The following JPH2 variants were observed in gnomAD, a reference collection of about 807,000 sequenced individuals.
The protein encoded by JPH2 is junctophilin 2.
Under a neutral mutation model 55.9 loss-of-function variants are expected in JPH2, and 38 were observed. That is an observed-to-expected ratio of 0.68 (90% CI 0.52 to 0.89). The LOEUF (loss-of-function observed/expected upper bound fraction) is 0.89, where lower values mean the gene tolerates loss of function less well. JPH2 is among the 40% of genes least tolerant of loss of function. The probability of loss-of-function intolerance (pLI) is 0.00; values close to 1 mark genes in which losing one functional copy is unlikely to be tolerated. For missense variants in JPH2, 964 were observed against 1,037.6 expected, an observed-to-expected ratio of 0.93 and a Z score of 0.97; for synonymous variants, 480 against 472.4, an observed-to-expected ratio of 1.02 and a Z score of -0.21.
chr20:44,119,422 C>CT (rs1351165836), intron 2 of JPH2, among the ~76,000 whole-genome samples: 2 of 152,164 alleles, frequency 1.3e-5, no homozygotes, highest in Non-Finnish European at 1.5e-5. Flanking sequence ...ACAGATGTAG[C>CT]TTTTCTCATT....
At chr20:44,176,318 CT>C (rs58088590) in intron 1 of JPH2, among the ~76,000 whole-genome samples, 110 of 113,662 alleles carry the variant, frequency 9.7e-4, no homozygotes, top group Middle Eastern at 5.0e-3. Context: ...TCCTATCTGT[CT>C]TTTTTTTTTT....
At chr20:44,128,225 T>C (rs1274873762) in intron 2 of JPH2, among the ~76,000 whole-genome samples, 1 of 152,220 alleles carries the variant, frequency 6.6e-6, no homozygotes, top group Non-Finnish European at 1.5e-5. Context: ...AAGAATTTTA[T>C]GGTTTTAGTT....
rs1378172310 is a variant in JPH2, at chr20:44,134,059, T to TATA, written c.1170-15437_1170-15436insTAT. Among the ~76,000 whole-genome samples the TATA allele has an allele frequency of 1.6e-3, 39 of 25,008 alleles. 10 individuals are homozygous for TATA. The highest frequency in any genetic ancestry group is 6.8e-3 in the South Asian group (5 of 738). The allele number at this position is 25,008 out of a possible 152,430, so 16.4% of individuals were successfully genotyped here. Reference sequence around the variant, plus strand: ...ATATTTATATATAAATATATATTTATTATAAATATATAAATATATATTTAT... The same window carrying TATA: ...ATATTTATATATAAATATATATTTATATATATAAATATATAAATATATATTTAT... On this transcript the variant is annotated intron_variant, in intron 2 of 5. Coordinates refer to ENST00000372980, the MANE Select transcript of JPH2 (RefSeq NM_020433.5).
At chr20:44,168,547 T>C (rs1299347715) in intron 1 of JPH2, among the ~76,000 whole-genome samples, 1 of 152,196 alleles carries the variant, frequency 6.6e-6, no homozygotes, top group Non-Finnish European at 1.5e-5. Flanking sequence ...CAAAAGAGTA[T>C]CTTAATGGAT....
chr20:44,186,044 G>T (rs1323045757), intron 1 of JPH2, among the ~76,000 whole-genome samples: 1 of 152,128 alleles, frequency 6.6e-6, no homozygotes, highest in Non-Finnish European at 1.5e-5. Context: ...ACATGCTAAT[G>T]GTAGTAGTTA....
At chr20:44,131,856 T>A (rs1464935639) in intron 2 of JPH2, among the ~76,000 whole-genome samples, 1 of 152,172 alleles carries the variant, frequency 6.6e-6, no homozygotes, top group East Asian at 1.9e-4. Flanking sequence ...GAAACTTTTG[T>A]CCCCAGACCC....
At chr20:44,141,091 A>T (rs905558351) in intron 2 of JPH2, among the ~76,000 whole-genome samples, 1 of 152,198 alleles carries the variant, frequency 6.6e-6, no homozygotes, top group Non-Finnish European at 1.5e-5. Flanking sequence ...GACTCGGGAT[A>T]TTAAGGTCAC....
At chr20:44,116,461 C>T (rs2072193786) in intron 3 of JPH2, 75 bp from the exon 4 acceptor site, 11 of 1,514,636 alleles carry the variant, frequency 7.3e-6, no homozygotes, top group Non-Finnish European at 9.8e-6. Context: ...GCCACTTCAC[C>T]TCTCGAGCCT....
At chr20:44,120,960 T>G (rs185562785) in intron 2 of JPH2, among the ~76,000 whole-genome samples, 78 of 152,256 alleles carry the variant, frequency 5.1e-4, no homozygotes, top group Non-Finnish European at 9.6e-4. Context: ...AAGGCTACTG[T>G]CAGATGAGGG....
At chr20:44,115,149 CCTG>C (rs2072178108) in intron 4 of JPH2, among the ~76,000 whole-genome samples, 1 of 152,274 alleles carries the variant, frequency 6.6e-6, no homozygotes, top group African/African-American at 2.4e-5. Context: ...ACCCAGGCAT[CCTG>C]CTAATTCCCC....
intron 2 of JPH2, among the ~76,000 whole-genome samples, chr20:44,157,120 G>A (rs138271409): frequency 1.3e-5 from 2 of 152,230 alleles, no homozygotes; most frequent in African/African-American, 4.8e-5. Context: ...TTCAAGCCAT[G>A]TCTGGTGTCC....
At chr20:44,127,104 C>G (rs1167954117) in intron 2 of JPH2, among the ~76,000 whole-genome samples, 1 of 152,236 alleles carries the variant, frequency 6.6e-6, no homozygotes, top group African/African-American at 2.4e-5. Context: ...AACATCATTT[C>G]AGGGTTCACC....
chr20:44,128,674 G>A (rs1226999105), intron 2 of JPH2, among the ~76,000 whole-genome samples: 3 of 151,822 alleles, frequency 2.0e-5, no homozygotes, highest in East Asian at 1.9e-4. Flanking sequence ...TAATATTTTC[G>A]TCTTTTTCTT....
chr20:44,166,900 AAACGGGGGAGATCCCC>A (rs1456703657), intron 1 of JPH2, among the ~76,000 whole-genome samples: 9 of 152,198 alleles, frequency 5.9e-5, no homozygotes, highest in Non-Finnish European at 1.2e-4. Context: ...GTCCCAAAGG[AAACGGGGGAGATCCCC>A]AACAGCCCAC....
chr20:44,166,014 G>A (rs2072653591), intron 1 of JPH2, among the ~76,000 whole-genome samples: 1 of 152,162 alleles, frequency 6.6e-6, no homozygotes, highest in South Asian at 2.1e-4. Context: ...GCTCCTTAAA[G>A]GCAAGGATTC....
At chr20:44,131,506 A>T (rs2072318679) in intron 2 of JPH2, among the ~76,000 whole-genome samples, 1 of 152,162 alleles carries the variant, frequency 6.6e-6, no homozygotes, top group Non-Finnish European at 1.5e-5. Context: ...TTATGCGGTG[A>T]TGGGTAACTA....
chr20:44,174,540 A>T (rs1157142178), intron 1 of JPH2, among the ~76,000 whole-genome samples: 3 of 152,116 alleles, frequency 2.0e-5, no homozygotes, highest in Non-Finnish European at 2.9e-5. Flanking sequence ...TTGGGAGGCC[A>T]AGGCAGGCAG....
chr20:44,125,822 C>T (rs1266077175), intron 2 of JPH2, among the ~76,000 whole-genome samples: 6 of 151,952 alleles, frequency 3.9e-5, no homozygotes, highest in African/African-American at 1.2e-4. Flanking sequence ...AATAAGGGCA[C>T]GCGTCTCCAA....
intron 1 of JPH2, among the ~76,000 whole-genome samples, chr20:44,175,563 G>A (rs1014516373): frequency 2.0e-5 from 3 of 152,192 alleles, no homozygotes; most frequent in East Asian, 1.9e-4. Context: ...CAGACAACCC[G>A]AAGCGGAGGA....
Sources: allele counts gnomAD v4.1 joint callset (sites outside exome capture counted in the v4.1 genomes callset), GRCh38; gene constraint gnomAD v4.1.1; transcripts MANE v1.5; gene names NCBI Gene and HGNC (gene_info 2026-07-23, HGNC 2026-07-21).